The following STAG1 variants were observed in gnomAD, a reference collection of about 807,000 sequenced individuals.
STAG1 encodes STAG1 cohesin complex component.
Under a neutral mutation model 170.9 loss-of-function variants are expected in STAG1, and 26 were observed. That is an observed-to-expected ratio of 0.15 (90% CI 0.11 to 0.21). The LOEUF is 0.21. Among genes scored for constraint, STAG1 ranks in the 10% least tolerant of loss-of-function variants. STAG1 has a pLI of 1.00. For synonymous variants in STAG1, 514 were observed against 497.7 expected (o/e 1.03, Z -0.44); for missense variants, 964 against 1,509.5 (o/e 0.64, Z 5.99).
intron 7 of STAG1, among the ~76,000 whole-genome samples, chr3:136,518,883 G>A (rs973313820): frequency 4.6e-5 from 7 of 152,024 alleles, no homozygotes; most frequent in African/African-American, 1.7e-4. Context: ...AACGCAGGTA[G>A]ACCGTGGAAA....
chr3:136,700,609 C>T (rs1025007477), intron 1 of STAG1, among the ~76,000 whole-genome samples: 3 of 151,534 alleles, frequency 2.0e-5, no homozygotes, highest in South Asian at 4.2e-4. Flanking sequence ...TTAGTAGAGA[C>T]GGGTTTCACC....
chr3:136,514,721 A>T (rs914986439), intron 7 of STAG1, among the ~76,000 whole-genome samples: 1 of 152,224 alleles, frequency 6.6e-6, no homozygotes, highest in Admixed American at 6.5e-5. Context: ...ACCATGGAAT[A>T]CTATGCAGCC....
Position 136,341,428 on chromosome 3 carries a change from A to G in STAG1, c.3557+13T>C. 1 of 1,525,896 alleles carries G rather than the reference A, an allele frequency of 6.6e-7. No individual in the cohort carries two copies. The highest frequency in any genetic ancestry group is 9.1e-7 in the Non-Finnish European group (1 of 1,101,478). 94.5% of individuals were successfully genotyped at this position (1,525,896 alleles called of 1,614,324 possible). A position where few individuals can be genotyped will look rare whatever the true frequency, so the allele number is the denominator to read the frequency against. ...AGTTGTTATGTTCTTGTGATACTCC[A>G]TGTAACACTTACACAGCATGCCTCA... On this transcript the variant is annotated intron_variant, in intron 31 of 33. Coordinates refer to ENST00000383202, the MANE Select transcript of STAG1 (RefSeq NM_005862.3).
intron 9 of STAG1, among the ~76,000 whole-genome samples, chr3:136,484,179 T>C (rs1322108424): frequency 6.6e-6 from 1 of 150,872 alleles, no homozygotes; most frequent in Admixed American, 6.6e-5. Flanking sequence ...TTCCAGTTTT[T>C]CTGTTCTGTT....
chr3:136,680,860 C>CA (rs1942308263), intron 1 of STAG1, among the ~76,000 whole-genome samples: 1 of 151,522 alleles, frequency 6.6e-6, no homozygotes, highest in South Asian at 2.1e-4. Flanking sequence ...CCTCAATATC[C>CA]ATGGGGGATT....
At chr3:136,587,893 G>A (rs1278563622) in intron 4 of STAG1, among the ~76,000 whole-genome samples, 2 of 152,146 alleles carry the variant, frequency 1.3e-5, no homozygotes, top group East Asian at 1.9e-4. Context: ...ACCCGGGGGG[G>A]CGGAGGTTGC....
At chr3:136,730,848 A>C (rs1934001702) in intron 1 of STAG1, among the ~76,000 whole-genome samples, 1 of 152,232 alleles carries the variant, frequency 6.6e-6, no homozygotes, top group Non-Finnish European at 1.5e-5. Flanking sequence ...CACTTTCTGA[A>C]GAGGTGGGCT....
intron 1 of STAG1, among the ~76,000 whole-genome samples, chr3:136,680,878 G>T (rs758494109): frequency 6.6e-6 from 1 of 151,290 alleles, no homozygotes; most frequent in Admixed American, 6.6e-5. Context: ...ATTGGTTCCA[G>T]GACCCCACCC....
At chr3:136,414,684 T>G (rs2087723176) in intron 21 of STAG1, among the ~76,000 whole-genome samples, 1 of 152,224 alleles carries the variant, frequency 6.6e-6, no homozygotes, top group South Asian at 2.1e-4. Flanking sequence ...GTTTCTCAAT[T>G]TTCTTGCCCA....
At chr3:136,413,192 CAT>C (rs1200714403) in intron 21 of STAG1, among the ~76,000 whole-genome samples, 3 of 148,132 alleles carry the variant, frequency 2.0e-5, no homozygotes, top group East Asian at 2.0e-4. Context: ...TGCATATTAA[CAT>C]GTGTAACACA....
chr3:136,614,153 T>A (rs1464862849), intron 3 of STAG1, among the ~76,000 whole-genome samples: 1 of 152,144 alleles, frequency 6.6e-6, no homozygotes, highest in Middle Eastern at 3.4e-3. Flanking sequence ...GAGGCGGAGG[T>A]TGCAGTGAGC....
chr3:136,690,288 G>C (rs1165561761), intron 1 of STAG1, among the ~76,000 whole-genome samples: 1 of 152,192 alleles, frequency 6.6e-6, no homozygotes, highest in Non-Finnish European at 1.5e-5. Flanking sequence ...CCAGGCTGGA[G>C]TGCAGTGGCA....
intron 1 of STAG1, among the ~76,000 whole-genome samples, chr3:136,692,011 A>C (rs977176258): frequency 6.6e-6 from 1 of 152,174 alleles, no homozygotes; most frequent in Admixed American, 6.5e-5. Flanking sequence ...ATAATGAAGA[A>C]GGCACTGCAG....
intron 6 of STAG1, among the ~76,000 whole-genome samples, chr3:136,538,007 A>T (rs897629840): frequency 1.1e-4 from 16 of 152,286 alleles, no homozygotes; most frequent in African/African-American, 2.6e-4. Context: ...GAAAACTTTA[A>T]ATTATTATTA....
At chr3:136,706,669 T>C (rs1026467007) in intron 1 of STAG1, among the ~76,000 whole-genome samples, 1 of 152,172 alleles carries the variant, frequency 6.6e-6, no homozygotes, top group Non-Finnish European at 1.5e-5. Flanking sequence ...GTGCAACCCC[T>C]ATAAAAATTC....
At chr3:136,730,049 C>T (rs956055853) in intron 1 of STAG1, among the ~76,000 whole-genome samples, 2 of 151,808 alleles carry the variant, frequency 1.3e-5, no homozygotes, top group Admixed American at 6.6e-5. Context: ...CCACTACGCC[C>T]GGCTAATTGT....
chr3:136,703,968 T>C (rs1228422077), intron 1 of STAG1, among the ~76,000 whole-genome samples: 1 of 151,286 alleles, frequency 6.6e-6, no homozygotes, highest in African/African-American at 2.4e-5. Context: ...GCCAAGACTG[T>C]GTCACTGCAC....
chr3:136,671,480 C>T (rs531726660), intron 1 of STAG1, among the ~76,000 whole-genome samples: 8 of 152,124 alleles, frequency 5.3e-5, no homozygotes, highest in African/African-American at 1.9e-4. Flanking sequence ...TGTAGGAATG[C>T]GAGATTATCT....
intron 9 of STAG1, among the ~76,000 whole-genome samples, chr3:136,488,081 C>G (rs993514632): frequency 1.3e-5 from 2 of 152,208 alleles, no homozygotes; most frequent in African/African-American, 4.8e-5. Flanking sequence ...GCTAGCTGGG[C>G]TACTCCCAAA....
Sources: gnomAD v4.1 joint callset for allele counts (sites outside exome capture counted in the v4.1 genomes callset) on GRCh38, gnomAD v4.1.1 for gene constraint, MANE v1.5 for transcripts, NCBI Gene and HGNC (gene_info 2026-07-23, HGNC 2026-07-21) for gene names.